The following PDS5B variants were observed in gnomAD, a reference collection of about 807,000 sequenced individuals.
PDS5B encodes sister chromatid cohesion protein PDS5 homolog B.
Under a neutral mutation model 184.1 loss-of-function variants are expected in PDS5B, and 51 were observed. The observed-to-expected ratio is 0.28, with a 90% CI of 0.22 to 0.35. The LOEUF (loss-of-function observed/expected upper bound fraction) is 0.35, where lower values mean the gene tolerates loss of function less well. Ranked by LOEUF, PDS5B falls within the 10% of genes least tolerant of loss-of-function variation. The pLI is 1.00. For synonymous variants in PDS5B, 566 were observed against 569.2 expected (o/e 0.99, Z 0.08); for missense variants, 1,180 against 1,723.3 (o/e 0.68, Z 5.58).
intron 1 of PDS5B, among the ~76,000 whole-genome samples, chr13:32,630,886 G>A (rs2058443781): frequency 6.6e-6 from 1 of 151,258 alleles, no homozygotes; most frequent in Non-Finnish European, 1.5e-5. Flanking sequence ...CTGGATTCAA[G>A]TCATTCTCCT....
intron 31 of PDS5B, among the ~76,000 whole-genome samples, chr13:32,765,892 C>T (rs1954570970): frequency 6.6e-6 from 1 of 152,214 alleles, no homozygotes; most frequent in South Asian, 2.1e-4. Flanking sequence ...TTGAGCCATA[C>T]TGCCCGCTGT....
At chr13:32,766,545 T>G (rs1954593914) in intron 31 of PDS5B, among the ~76,000 whole-genome samples, 1 of 152,158 alleles carries the variant, frequency 6.6e-6, no homozygotes, top group South Asian at 2.1e-4. Flanking sequence ...AGATGAGTAT[T>G]ATGAGACACA....
chr13:32,667,696 G>T, intron 6 of PDS5B, 68 bp from the exon 7 acceptor site: 1 of 867,002 alleles, frequency 1.2e-6, no homozygotes, highest in South Asian at 1.7e-5. Flanking sequence ...GTAGCATTTT[G>T]AATACAGGTA....
intron 1 of PDS5B, among the ~76,000 whole-genome samples, chr13:32,596,876 C>T (rs538759700): frequency 3.2e-4 from 49 of 152,094 alleles, no homozygotes; most frequent in African/African-American, 9.6e-4. Flanking sequence ...AATGTACTCA[C>T]GATACAAATT....
intron 17 of PDS5B, among the ~76,000 whole-genome samples, chr13:32,705,211 G>A (rs905273214): frequency 1.3e-5 from 2 of 152,074 alleles, no homozygotes; most frequent in Non-Finnish European, 2.9e-5. Flanking sequence ...TTCACTGAGA[G>A]CTTCATACTC....
chr13:32,600,861 AGTT>A (rs1351744592), intron 1 of PDS5B, among the ~76,000 whole-genome samples: 2 of 152,190 alleles, frequency 1.3e-5, no homozygotes, highest in African/African-American at 2.4e-5. Context: ...TGAGCTTTTT[AGTT>A]GTTGTTTTCT....
chr13:32,664,994 T>TA (rs1174046081), intron 6 of PDS5B, among the ~76,000 whole-genome samples: 1 of 152,174 alleles, frequency 6.6e-6, no homozygotes, highest in Non-Finnish European at 1.5e-5. Context: ...AACAGGGACC[T>TA]AATCTTGACA....
At chr13:32,633,055 A>G (rs1280901187) in intron 1 of PDS5B, among the ~76,000 whole-genome samples, 2 of 152,212 alleles carry the variant, frequency 1.3e-5, no homozygotes, top group Non-Finnish European at 2.9e-5. Context: ...ACTCAGTGAA[A>G]TTTGACAGAA....
chr13:32,741,836 C>CTT (rs1206184765), intron 22 of PDS5B, among the ~76,000 whole-genome samples: 2 of 151,790 alleles, frequency 1.3e-5, no homozygotes, highest in African/African-American at 4.8e-5. Flanking sequence ...ATAGCCCCAC[C>CTT]TTTACATCAA....
chr13:32,709,428 A>T (rs886947813), intron 18 of PDS5B, among the ~76,000 whole-genome samples: 1 of 151,928 alleles, frequency 6.6e-6, no homozygotes, highest in Admixed American at 6.6e-5. Flanking sequence ...AATTTTTTAT[A>T]TATTCTAGAG....
At position 32,735,291 on chromosome 13, in the gene PDS5B, A is replaced by G; in HGVS notation, c.2367A>G (p.Val789=). 6.2e-7 allele frequency: 1 copy of G among 1,612,016 alleles called. No homozygotes were observed. The highest frequency in any genetic ancestry group is 8.5e-7 in the Non-Finnish European group (1 of 1,178,640). The change falls in exon 21 of 35, where the codon GTA becomes GTG. Residue 789 remains valine, a synonymous_variant. Coordinates refer to ENST00000315596, the MANE Select transcript of PDS5B (RefSeq NM_015032.4). ...TTGCTGCTCCTTTGAAATCTTTGGT[A>G]GCTACTTTCATTGTGAAAGATCTTC... ...DQFAAPLKSL[V]ATFIVKDLLM... is the part of the protein sequence containing the mutation.
intron 19 of PDS5B, among the ~76,000 whole-genome samples, chr13:32,729,381 A>G (rs373457940): frequency 1.3e-5 from 2 of 152,152 alleles, no homozygotes; most frequent in Non-Finnish European, 2.9e-5. Flanking sequence ...AGTCTTTGCT[A>G]TTGTGAATAG....
At chr13:32,707,161 T>C in intron 18 of PDS5B, 122 bp downstream of exon 18, 1 of 522,990 alleles carries the variant, frequency 1.9e-6, no homozygotes, top group East Asian at 3.3e-5. Flanking sequence ...TTTTCTCAGT[T>C]GTTTTAGATG....
intron 1 of PDS5B, among the ~76,000 whole-genome samples, chr13:32,635,460 C>T (rs532190869): frequency 1.9e-4 from 29 of 151,294 alleles, no homozygotes; most frequent in African/African-American, 6.8e-4. Flanking sequence ...TCTCCTGCCT[C>T]AGCCTCCGAG....
intron 21 of PDS5B, among the ~76,000 whole-genome samples, chr13:32,737,966 A>G (rs1014488760): frequency 6.6e-6 from 1 of 152,172 alleles, no homozygotes; most frequent in African/African-American, 2.4e-5. Context: ...GTTTCTAAGC[A>G]TTATATCATA....
intron 21 of PDS5B, among the ~76,000 whole-genome samples, chr13:32,739,455 T>G (rs1439913374): frequency 1.3e-5 from 2 of 152,252 alleles, no homozygotes; most frequent in East Asian, 3.8e-4. Context: ...GTTTTATGTT[T>G]ATGATTGATA....
intron 1 of PDS5B, among the ~76,000 whole-genome samples, chr13:32,593,372 ACAGT>A (rs767741760): frequency 3.9e-5 from 6 of 152,160 alleles, no homozygotes; most frequent in Non-Finnish European, 7.4e-5. Flanking sequence ...GATAACATAA[ACAGT>A]CAGTTAACAC....
chr13:32,615,374 C>G (rs1405160482), intron 1 of PDS5B, among the ~76,000 whole-genome samples: 2 of 152,020 alleles, frequency 1.3e-5, no homozygotes, highest in African/African-American at 4.8e-5. Flanking sequence ...TTATCCAAAG[C>G]TGAATTGAGA....
chr13:32,696,004 C>G (rs1043740907), intron 14 of PDS5B, among the ~76,000 whole-genome samples: 2 of 152,002 alleles, frequency 1.3e-5, no homozygotes, highest in African/African-American at 4.8e-5. Context: ...TTGTTCCCCC[C>G]AAATAAAACA....
Sources: allele counts gnomAD v4.1 joint callset (sites outside exome capture counted in the v4.1 genomes callset), GRCh38; gene constraint gnomAD v4.1.1; transcripts MANE v1.5; gene names NCBI Gene and HGNC (gene_info 2026-07-23, HGNC 2026-07-21).